The following LIN7A variants were observed in gnomAD, a reference collection of about 807,000 sequenced individuals.
LIN7A encodes lin-7 cell polarity scaffold A, also known as protein lin-7 homolog A.
In LIN7A, 25 loss-of-function variants were observed where a neutral mutation model predicts 29.8. That is an observed-to-expected ratio of 0.84 (90% confidence interval 0.61 to 1.17). LIN7A has a LOEUF of 1.17. Among genes scored for constraint, LIN7A ranks in the 50% most tolerant of loss-of-function variants. The pLI is 0.00. For missense variants in LIN7A, 239 were observed against 287.0 expected (o/e 0.83, Z 1.21); for synonymous variants, 118 against 107.5 (o/e 1.10, Z -0.60).
chr12:80,832,645 C>T (rs572671513), intron 4 of LIN7A: 16 of 455,752 alleles, frequency 3.5e-5, no homozygotes, highest in East Asian at 6.8e-5. Context: ...TGGTAGCTTC[C>T]GTGACATGGC....
At chr12:80,896,625 A>G (rs574267987) in intron 1 of LIN7A, among the ~76,000 whole-genome samples, 1 of 152,334 alleles carries the variant, frequency 6.6e-6, no homozygotes, top group East Asian at 1.9e-4. Flanking sequence ...TGGCAAACCC[A>G]AAGAAGAACT....
chr12:80,913,183 T>A (rs1397431343), intron 1 of LIN7A, among the ~76,000 whole-genome samples: 9 of 152,214 alleles, frequency 5.9e-5, no homozygotes, highest in Non-Finnish European at 1.0e-4. Flanking sequence ...CATCTACATA[T>A]TTTGCTACAT....
chr12:80,885,483 T>C (rs1185149702), intron 2 of LIN7A, among the ~76,000 whole-genome samples: 1 of 152,144 alleles, frequency 6.6e-6, no homozygotes, highest in Non-Finnish European at 1.5e-5. Context: ...TAAAATCACT[T>C]GCACTGATTA....
chr12:80,859,991 G>A (rs138067713), intron 2 of LIN7A, among the ~76,000 whole-genome samples: 1 of 152,074 alleles, frequency 6.6e-6, no homozygotes, highest in East Asian at 1.9e-4. Context: ...TCTACTTAAA[G>A]CTTCATATTA....
At chr12:80,904,939 AT>A (rs1417200878) in intron 1 of LIN7A, among the ~76,000 whole-genome samples, 3 of 152,150 alleles carry the variant, frequency 2.0e-5, no homozygotes, top group Admixed American at 6.5e-5. Context: ...TTTTTCAAAG[AT>A]TCAGCAATTA....
chr12:80,911,890 T>G (rs1264982747), intron 1 of LIN7A, among the ~76,000 whole-genome samples: 1 of 152,228 alleles, frequency 6.6e-6, no homozygotes, highest in Admixed American at 6.5e-5. Flanking sequence ...TAACATGAAC[T>G]ATTCCTGTCA....
chr12:80,937,464 C>A (rs1227582724), intron 1 of LIN7A, 177 bp downstream of exon 1: 2 of 416,994 alleles, frequency 4.8e-6, no homozygotes, highest in African/African-American at 2.0e-5. Context: ...GGGAACGTAG[C>A]GGGGAGAGAA....
chr12:80,839,437 TG>T (rs1872714102), intron 4 of LIN7A, among the ~76,000 whole-genome samples: 1 of 152,206 alleles, frequency 6.6e-6, no homozygotes, highest in African/African-American at 2.4e-5. Context: ...CTTACAGCAG[TG>T]TCTGGCATTC....
chr12:80,873,703 C>T (rs1275961566), intron 2 of LIN7A, among the ~76,000 whole-genome samples: 1 of 152,108 alleles, frequency 6.6e-6, no homozygotes, highest in Non-Finnish European at 1.5e-5. Flanking sequence ...CCACTGGTCA[C>T]TGGCCCATGT....
intron 4 of LIN7A, among the ~76,000 whole-genome samples, chr12:80,831,792 A>C (rs1005279364): frequency 3.3e-5 from 5 of 152,218 alleles, no homozygotes; most frequent in African/African-American, 1.2e-4. Context: ...GCTGTGTCTA[A>C]ATTGCTATAA....
At chr12:80,827,884 C>T (rs1376469563) in intron 4 of LIN7A, among the ~76,000 whole-genome samples, 1 of 152,176 alleles carries the variant, frequency 6.6e-6, no homozygotes, top group African/African-American at 2.4e-5. Flanking sequence ...ATGTCTAATA[C>T]TCTCCCCATC....
intron 5 of LIN7A, among the ~76,000 whole-genome samples, chr12:80,801,030 T>C (rs1870694760): frequency 6.6e-6 from 1 of 151,752 alleles, no homozygotes. Flanking sequence ...AATCAGGTTA[T>C]AATTTAGCAT....
chr12:80,800,332 A>G (rs1870655931), intron 5 of LIN7A, among the ~76,000 whole-genome samples: 1 of 151,912 alleles, frequency 6.6e-6, no homozygotes, highest in Admixed American at 6.6e-5. Flanking sequence ...TCTACTAAAA[A>G]TACAAAATTA....
At chr12:80,916,841 C>A (rs1230210382) in intron 1 of LIN7A, among the ~76,000 whole-genome samples, 5 of 152,132 alleles carry the variant, frequency 3.3e-5, no homozygotes, top group Non-Finnish European at 7.3e-5. Flanking sequence ...AGCTTTCCCG[C>A]AGAGAGAGCA....
At chr12:80,845,257 AT>A (rs1312320486) in intron 4 of LIN7A, among the ~76,000 whole-genome samples, 37 of 135,694 alleles carry the variant, frequency 2.7e-4, no homozygotes, top group Middle Eastern at 3.8e-3. Context: ...AAAAAAAAAA[AT>A]TTTGAGTGCA....
At position 80,917,841 on chromosome 12, in the gene LIN7A, T is replaced by C. The variant is rs146954779; in HGVS notation, c.82+19800A>G. On this transcript the variant is annotated intron_variant, in intron 1 of 5. Coordinates refer to ENST00000552864, the MANE Select transcript of LIN7A (RefSeq NM_004664.4). Reference sequence around the variant, plus strand: ...CAGGCCTCATTCACGTGTTGGTTTGTTGTGTACACTGATTCACCTCATATT... The same window carrying C: ...CAGGCCTCATTCACGTGTTGGTTTGCTGTGTACACTGATTCACCTCATATT... Among the ~76,000 whole-genome samples, 1,257 of 152,294 alleles carry C rather than the reference T, an allele frequency of 8.3e-3. 23 individuals are homozygous for C. The highest frequency in any genetic ancestry group is 0.016 in the Admixed American group (242 of 15,294).
chr12:80,835,397 C>T (rs1235678564), intron 4 of LIN7A, among the ~76,000 whole-genome samples: 1 of 152,096 alleles, frequency 6.6e-6, no homozygotes, highest in Non-Finnish European at 1.5e-5. Context: ...GATATAAAGA[C>T]ACCAAAAATT....
In LIN7A at chr12:80,797,603, G is replaced by A. The variant is rs973105526; in HGVS notation, c.*124C>T. 3 of 152,618 alleles carry A rather than the reference G, an allele frequency of 2.0e-5. No individual in the cohort carries two copies. Among genetic ancestry groups the A allele is most frequent in the Non-Finnish European group, 4.4e-5 (3 of 68,048 alleles). 9.5% of individuals were successfully genotyped at this position (152,618 alleles called of 1,614,324 possible). A position where few individuals can be genotyped will look rare whatever the true frequency, so the allele number is the denominator to read the frequency against. On this transcript the variant is annotated 3_prime_UTR_variant, in exon 6 of 6. Coordinates refer to ENST00000552864, the MANE Select transcript of LIN7A (RefSeq NM_004664.4). ...CCTTGGTAAAGAATTTATACACCATGTGTTCACAGCTTCTTGACAGGTATA... is the reference window on the plus strand; with the variant it reads ...CCTTGGTAAAGAATTTATACACCATATGTTCACAGCTTCTTGACAGGTATA...
chr12:80,873,757 G>C (rs982469188), intron 2 of LIN7A, among the ~76,000 whole-genome samples: 1 of 151,928 alleles, frequency 6.6e-6, no homozygotes, highest in Non-Finnish European at 1.5e-5. Flanking sequence ...TGTTACTGGG[G>C]GGTCTCTAAT....
Sources: allele counts gnomAD v4.1 joint callset (sites outside exome capture counted in the v4.1 genomes callset), GRCh38; gene constraint gnomAD v4.1.1; transcripts MANE v1.5; gene names NCBI Gene and HGNC (gene_info 2026-07-23, HGNC 2026-07-21).